SPOCK1: variants seen among roughly 807,000 people sequenced by gnomAD.
SPOCK1 encodes testican-1.
A neutral mutation model predicts 55.3 loss-of-function variants in SPOCK1; 23 were observed. The ratio of observed to expected loss-of-function variants is 0.42; its 90% CI spans 0.30 to 0.59. SPOCK1 has a LOEUF of 0.59. SPOCK1 is among the 20% of genes least tolerant of loss of function. The pLI, the probability that SPOCK1 is intolerant of heterozygous loss-of-function variation, is 0.22. For missense variants in SPOCK1, 499 were observed against 552.5 expected, an observed-to-expected ratio of 0.90 and a Z score of 0.97; for synonymous variants, 226 against 221.0, an observed-to-expected ratio of 1.02 and a Z score of -0.20.
At chr5:137,243,282 AT>A (rs1358573303) in intron 3 of SPOCK1, among the ~76,000 whole-genome samples, 2 of 152,116 alleles carry the variant, frequency 1.3e-5, no homozygotes, top group Non-Finnish European at 2.9e-5. Context: ...ATCGGCGGCT[AT>A]TTTTTAATCT....
chr5:137,401,206 T>G (rs1253887854), intron 2 of SPOCK1, among the ~76,000 whole-genome samples: 2 of 152,176 alleles, frequency 1.3e-5, no homozygotes, highest in Admixed American at 1.3e-4. Context: ...ACACTTCAAC[T>G]GGAGGAAAAG....
intron 3 of SPOCK1, among the ~76,000 whole-genome samples, chr5:137,191,428 A>C (rs1755176459): frequency 6.6e-6 from 1 of 151,664 alleles, no homozygotes; most frequent in African/African-American, 2.4e-5. Context: ...ATTCTGTATC[A>C]GTAGACTCTA....
chr5:137,066,956 A>G (rs1284934992), intron 6 of SPOCK1, among the ~76,000 whole-genome samples: 6 of 112,074 alleles, frequency 5.4e-5, no homozygotes, highest in Non-Finnish European at 1.2e-4. Flanking sequence ...ATTTTAAAAC[A>G]TAAGCATACA....
intron 3 of SPOCK1, among the ~76,000 whole-genome samples, chr5:137,250,601 C>T (rs1057198338): frequency 2.0e-5 from 3 of 152,172 alleles, no homozygotes; most frequent in Admixed American, 6.5e-5. Flanking sequence ...CCTGCCAACA[C>T]GAGCTGCTTG....
intron 3 of SPOCK1, among the ~76,000 whole-genome samples, chr5:137,207,430 G>A (rs969254013): frequency 6.6e-6 from 1 of 152,234 alleles, no homozygotes; most frequent in Non-Finnish European, 1.5e-5. Flanking sequence ...TTTCCTCCAT[G>A]AATTTTTTCA....
chr5:137,450,211 A>G (rs908325705), intron 2 of SPOCK1, among the ~76,000 whole-genome samples: 1 of 152,154 alleles, frequency 6.6e-6, no homozygotes, highest in African/African-American at 2.4e-5. Flanking sequence ...TCAAATTGCA[A>G]TTGATGACAA....
At chr5:137,094,842 G>T (rs1278384305) in intron 5 of SPOCK1, among the ~76,000 whole-genome samples, 4 of 152,158 alleles carry the variant, frequency 2.6e-5, no homozygotes, top group African/African-American at 9.7e-5. Context: ...TTACAACTTG[G>T]CTTGGCACAA....
At chr5:137,109,520 T>TCTCTGC (rs1561612326) in intron 5 of SPOCK1, among the ~76,000 whole-genome samples, 1 of 152,268 alleles carries the variant, frequency 6.6e-6, no homozygotes, top group East Asian at 1.9e-4. Flanking sequence ...CTATAAACGG[T>TCTCTGC]CTCTGCCTCT....
intron 2 of SPOCK1, among the ~76,000 whole-genome samples, chr5:137,419,784 A>G (rs1271188195): frequency 6.6e-6 from 1 of 152,112 alleles, no homozygotes; most frequent in Non-Finnish European, 1.5e-5. Flanking sequence ...CTAATTGATT[A>G]CCCTTTATTT....
chr5:137,398,194 C>A (rs1421593530), intron 2 of SPOCK1, among the ~76,000 whole-genome samples: 1 of 152,076 alleles, frequency 6.6e-6, no homozygotes, highest in Admixed American at 6.6e-5. Context: ...CATCTGCAAA[C>A]CTTAGTGAGG....
At chr5:137,274,085 T>C (rs1283566629) in intron 2 of SPOCK1, among the ~76,000 whole-genome samples, 1 of 152,046 alleles carries the variant, frequency 6.6e-6, no homozygotes, top group African/African-American at 2.4e-5. Flanking sequence ...AAGAACTGAG[T>C]CTGAGGTTTA....
intron 5 of SPOCK1, among the ~76,000 whole-genome samples, chr5:137,109,682 G>A (rs900655954): frequency 6.6e-6 from 1 of 151,990 alleles, no homozygotes; most frequent in Admixed American, 6.6e-5. Flanking sequence ...TTTCTCCACA[G>A]GGGCATCCTC....
intron 2 of SPOCK1, among the ~76,000 whole-genome samples, chr5:137,342,936 A>G (rs1357908501): frequency 6.6e-6 from 1 of 152,244 alleles, no homozygotes; most frequent in African/African-American, 2.4e-5. Flanking sequence ...GATCTCAGGA[A>G]ATGAGCTGAA....
intron 3 of SPOCK1, among the ~76,000 whole-genome samples, chr5:137,254,494 T>C (rs780669650): frequency 3.3e-5 from 5 of 152,364 alleles, no homozygotes; most frequent in Non-Finnish European, 7.3e-5. Context: ...AATTTTATAA[T>C]GACAAGATCT....
At chr5:137,228,787 G>A (rs1349056061) in intron 3 of SPOCK1, among the ~76,000 whole-genome samples, 1 of 152,036 alleles carries the variant, frequency 6.6e-6, no homozygotes, top group African/African-American at 2.4e-5. Context: ...TTTGCTGAGG[G>A]GCAGAAAGCA....
chr5:137,039,871 C>G (rs1261369632), intron 6 of SPOCK1, among the ~76,000 whole-genome samples: 2 of 152,248 alleles, frequency 1.3e-5, no homozygotes, highest in African/African-American at 4.8e-5. Context: ...ACCTGAACAA[C>G]AGCTTCCCTC....
At chr5:137,062,436 G>A (rs1186973651) in intron 6 of SPOCK1, among the ~76,000 whole-genome samples, 1 of 151,882 alleles carries the variant, frequency 6.6e-6, no homozygotes, top group Non-Finnish European at 1.5e-5. Flanking sequence ...AGGTTCAGAA[G>A]GGGTGGAGTA....
At chr5:137,222,777 A>G (rs1443044666) in intron 3 of SPOCK1, among the ~76,000 whole-genome samples, 2 of 152,214 alleles carry the variant, frequency 1.3e-5, no homozygotes, top group Non-Finnish European at 2.9e-5. Flanking sequence ...TTTTGACACT[A>G]GGTCTGGAAT....
chr5:137,432,367 A>C (rs1355556221), intron 2 of SPOCK1, among the ~76,000 whole-genome samples: 1 of 152,258 alleles, frequency 6.6e-6, no homozygotes, highest in African/African-American at 2.4e-5. Context: ...GTGTCCACTG[A>C]CCAGTGAAAA....
Sources: allele counts gnomAD v4.1 joint callset (sites outside exome capture counted in the v4.1 genomes callset), GRCh38; gene constraint gnomAD v4.1.1; transcripts MANE v1.5; gene names NCBI Gene and HGNC (gene_info 2026-07-23, HGNC 2026-07-21).